RAD51B: variants seen among roughly 807,000 people sequenced by gnomAD.
RAD51B encodes DNA repair protein RAD51 homolog 2.
RAD51B carries 38 observed loss-of-function variants against 42.2 expected under a neutral mutation model. The observed-to-expected ratio is 0.90, with a 90% CI of 0.70 to 1.18. RAD51B has a LOEUF of 1.18. Among genes scored for constraint, RAD51B ranks in the 50% most tolerant of loss-of-function variants. The pLI, the probability that RAD51B is intolerant of heterozygous loss-of-function variation, is 0.00. For missense variants in RAD51B, 373 were observed against 400.7 expected, an observed-to-expected ratio of 0.93 and a Z score of 0.59; for synonymous variants, 154 against 145.2, an observed-to-expected ratio of 1.06 and a Z score of -0.43.
At chr14:67,850,343 C>T (rs967218337) in intron 4 of RAD51B, among the ~76,000 whole-genome samples, 3 of 152,062 alleles carry the variant, frequency 2.0e-5, no homozygotes, top group Non-Finnish European at 4.4e-5. Flanking sequence ...TTTTCTTTCC[C>T]TTTCTTTTCT....
chr14:68,171,769 C>T (rs960974687), intron 7 of RAD51B, among the ~76,000 whole-genome samples: 13 of 151,960 alleles, frequency 8.6e-5, no homozygotes, highest in South Asian at 2.1e-4. Context: ...TGCAATGGGG[C>T]GATCTCGGTT....
intron 7 of RAD51B, among the ~76,000 whole-genome samples, chr14:68,103,058 T>C (rs2077317991): frequency 6.6e-6 from 1 of 151,814 alleles, no homozygotes; most frequent in African/African-American, 2.4e-5. Context: ...AGCATGGGGG[T>C]AACCACCCCC....
rs148640586 is a variant in RAD51B, at chr14:67,905,755, A to G, written c.756+18551A>G. ...ATAGAAATGCTACTGATTTTTGTAC[A>G]TTGATTTTGTTTTCTGAAACTTTGC... On this transcript the variant is annotated intron_variant, in intron 7 of 10. Transcript: ENST00000471583. 1.8e-4 allele frequency among the ~76,000 whole-genome samples: 28 copies of G among 152,068 alleles called. 1 individual carries two copies. The highest frequency in any genetic ancestry group is 6.5e-4 in the African/African-American group (27 of 41,366).
At chr14:68,491,163 G>A (rs1005745410) in intron 10 of RAD51B, among the ~76,000 whole-genome samples, 12 of 152,188 alleles carry the variant, frequency 7.9e-5, no homozygotes, top group Admixed American at 7.9e-4. Flanking sequence ...CAGACCCTGA[G>A]GCCTGGAGCC....
chr14:68,367,648 T>C (rs1410313424), intron 8 of RAD51B, among the ~76,000 whole-genome samples: 1 of 151,908 alleles, frequency 6.6e-6, no homozygotes, highest in Non-Finnish European at 1.5e-5. Context: ...CACAGGAAAA[T>C]AAAGAAGAGT....
At chr14:68,577,946 T>G (rs768343957) in intron 10 of RAD51B, among the ~76,000 whole-genome samples, 17 of 152,240 alleles carry the variant, frequency 1.1e-4, no homozygotes, top group Non-Finnish European at 2.4e-4. Flanking sequence ...TAGGATTTCA[T>G]GCTGGCCCCA....
intron 10 of RAD51B, among the ~76,000 whole-genome samples, chr14:68,647,242 C>A (rs1488393466): frequency 6.6e-6 from 1 of 152,108 alleles, no homozygotes; most frequent in African/African-American, 2.4e-5. Flanking sequence ...GAACTTTTAC[C>A]TCTTATTGCT....
chr14:68,482,528 A>C (rs1883284417), downstream of RAD51B, among the ~76,000 whole-genome samples: 1 of 152,222 alleles, frequency 6.6e-6, no homozygotes, highest in South Asian at 2.1e-4. Context: ...GGAGAAGTGC[A>C]AAATATCTGA....
chr14:67,848,874 A>G (rs752509581), intron 4 of RAD51B, among the ~76,000 whole-genome samples: 15 of 152,276 alleles, frequency 9.9e-5, no homozygotes, highest in Admixed American at 1.3e-4. Flanking sequence ...ATATGAAATT[A>G]TTTGTTGGTA....
intron 10 of RAD51B, among the ~76,000 whole-genome samples, chr14:68,546,294 G>A (rs929600935): frequency 2.0e-5 from 3 of 152,140 alleles, no homozygotes; most frequent in African/African-American, 7.2e-5. Flanking sequence ...GAGATTTAGA[G>A]GACTCATCAG....
intron 10 of RAD51B, among the ~76,000 whole-genome samples, chr14:68,521,098 G>A (rs879828010): frequency 6.6e-5 from 10 of 152,146 alleles, no homozygotes; most frequent in Admixed American, 4.6e-4. Context: ...ACTCAAGCCC[G>A]CACCTGGATG....
At chr14:68,313,962 C>T (rs1410979950) in intron 8 of RAD51B, among the ~76,000 whole-genome samples, 1 of 152,156 alleles carries the variant, frequency 6.6e-6, no homozygotes, top group African/African-American at 2.4e-5. Flanking sequence ...TTGCCATAGC[C>T]TCTCTAGGCC....
Position 67,990,402 on chromosome 14 carries a change from G to A in RAD51B, c.756+103198G>A, listed in dbSNP as rs2075275353. On this transcript the variant is annotated intron_variant, in intron 7 of 10. Transcript: ENST00000471583. ...GTGGCTAATTATACATTATCATTAG[G>A]AAGCATAATATTTCATGTGTTTTTA... Among the ~76,000 whole-genome samples the A allele has an allele frequency of 2.0e-5, 3 of 152,270 alleles. No homozygotes were observed. The South Asian group carries it at 6.2e-4, about 32-fold the overall frequency.
intron 7 of RAD51B, among the ~76,000 whole-genome samples, chr14:67,997,395 G>A (rs2075403309): frequency 6.6e-6 from 1 of 152,124 alleles, no homozygotes; most frequent in South Asian, 2.1e-4. Flanking sequence ...TATTCTGGAA[G>A]CCAAGTGAAT....
chr14:68,541,896 G>C, intron 10 of RAD51B: 2 of 932,888 alleles, frequency 2.1e-6, no homozygotes, highest in East Asian at 1.2e-4. Context: ...ATCCCCATTG[G>C]TCCTCTATTT....
intron 7 of RAD51B, among the ~76,000 whole-genome samples, chr14:68,053,926 T>C (rs2076433556): frequency 6.6e-6 from 1 of 152,190 alleles, no homozygotes; most frequent in Non-Finnish European, 1.5e-5. Flanking sequence ...TAGGTAATAA[T>C]CCCTATTTAG....
chr14:68,648,178 T>A (rs1892623522), intron 10 of RAD51B, among the ~76,000 whole-genome samples: 1 of 131,248 alleles, frequency 7.6e-6, no homozygotes, highest in Non-Finnish European at 1.7e-5. Flanking sequence ...TACACACGTA[T>A]ATATATATGA....
intron 7 of RAD51B, among the ~76,000 whole-genome samples, chr14:68,213,805 C>T (rs375618713): frequency 2.6e-5 from 4 of 151,990 alleles, no homozygotes; most frequent in Non-Finnish European, 2.9e-5. Flanking sequence ...AGAGGAAAAA[C>T]GGTGAACTAA....
chr14:68,119,147 A>G (rs1448712956), intron 7 of RAD51B, among the ~76,000 whole-genome samples: 4 of 151,302 alleles, frequency 2.6e-5, no homozygotes, highest in African/African-American at 9.7e-5. Context: ...GGGTGTCACC[A>G]TGTTGTCCAT....
Sources: gnomAD v4.1 joint callset for allele counts (sites outside exome capture counted in the v4.1 genomes callset) on GRCh38, gnomAD v4.1.1 for gene constraint, MANE v1.5 for transcripts, NCBI Gene and HGNC (gene_info 2026-07-23, HGNC 2026-07-21) for gene names.